The following PALLD variants were observed in gnomAD, a reference collection of about 807,000 sequenced individuals.
PALLD encodes palladin.
A neutral mutation model predicts 123.5 loss-of-function variants in PALLD; 61 were observed. The ratio of observed to expected loss-of-function variants is 0.49; its 90% CI spans 0.40 to 0.61. PALLD has a LOEUF of 0.61. Ranked by LOEUF, PALLD falls within the 20% of genes least tolerant of loss-of-function variation. The probability of loss-of-function intolerance (pLI) is 0.00; values close to 1 mark genes in which losing one functional copy is unlikely to be tolerated. For missense variants in PALLD, 1,273 were observed against 1,377.0 expected (o/e 0.92, Z 1.20); for synonymous variants, 465 against 496.4 (o/e 0.94, Z 0.84).
chr4:168,734,149 A>G (rs920476452), intron 10 of PALLD, among the ~76,000 whole-genome samples: 50 of 152,222 alleles, frequency 3.3e-4, no homozygotes, highest in Non-Finnish European at 5.9e-4. Context: ...TCAAATGCCT[A>G]TCTAGGATTT....
chr4:168,697,749 C>G (rs993123522), intron 8 of PALLD, among the ~76,000 whole-genome samples: 2 of 152,150 alleles, frequency 1.3e-5, no homozygotes, highest in African/African-American at 4.8e-5. Context: ...GCAATCAGAC[C>G]TTGACGATGA....
rs550793210 is a variant in PALLD at position 168,709,266 on chromosome 4, T to G, written c.1621+119T>G. 5.8e-5 allele frequency: 60 copies of G among 1,037,822 alleles called. No individual in the cohort carries two copies. In the South Asian group the frequency reaches 6.8e-4, roughly 12 times the overall value. The allele number at this position is 1,037,822 out of a possible 1,614,324, so 64.3% of individuals were successfully genotyped here. A position where few individuals can be genotyped will look rare whatever the true frequency, so the allele number is the denominator to read the frequency against. On this transcript the variant is annotated intron_variant, in intron 9 of 21. Coordinates refer to ENST00000505667, the MANE Select transcript of PALLD (RefSeq NM_001166108.2). ...GGCTCACACCTGTAATCCCAGCACT[T>G]TGGGAGGCCGAGGCAGGCAGATCAC...
intron 2 of PALLD, among the ~76,000 whole-genome samples, chr4:168,638,183 CA>C (rs1466110050): frequency 6.6e-6 from 1 of 152,124 alleles, no homozygotes; most frequent in Non-Finnish European, 1.5e-5. Flanking sequence ...TTAATCCTCA[CA>C]AAAATATTAT....
intron 8 of PALLD, among the ~76,000 whole-genome samples, chr4:168,693,863 A>C (rs1782883451): frequency 2.0e-5 from 3 of 151,130 alleles, no homozygotes; most frequent in African/African-American, 7.3e-5. Flanking sequence ...AATAAAATCC[A>C]TGATCATGTT....
At chr4:168,599,048 A>G (rs1427293686) in intron 2 of PALLD, among the ~76,000 whole-genome samples, 1 of 152,184 alleles carries the variant, frequency 6.6e-6, no homozygotes, top group Non-Finnish European at 1.5e-5. Context: ...AAATTCTGTT[A>G]AAATAACATA....
At chr4:168,701,774 A>G (rs57368940) in intron 8 of PALLD, among the ~76,000 whole-genome samples, 24,029 of 152,114 alleles carry the variant, frequency 0.16, 2,588 homozygotes, top group East Asian at 0.33. Flanking sequence ...CCCAGAGAGC[A>G]CTAAGCCCTG....
intron 10 of PALLD, among the ~76,000 whole-genome samples, chr4:168,714,925 A>G (rs1581116538): frequency 6.6e-6 from 1 of 152,126 alleles, no homozygotes; most frequent in East Asian, 1.9e-4. Flanking sequence ...GAAAAGAAAA[A>G]AAAAATTCAA....
At chr4:168,761,641 G>GTTTGTTTT (rs1732860397) in intron 10 of PALLD, among the ~76,000 whole-genome samples, 7 of 11,642 alleles carry the variant, frequency 6.0e-4, no homozygotes, top group African/African-American at 1.5e-3. Context: ...TGTTGTTGTT[G>GTTTGTTTT]TTTGTTTTTT....
At chr4:168,838,510 C>T (rs1745519676) in intron 10 of PALLD, among the ~76,000 whole-genome samples, 1 of 151,948 alleles carries the variant, frequency 6.6e-6, no homozygotes, top group African/African-American at 2.4e-5. Context: ...AGATGTGAAA[C>T]AGTCACCTGG....
At position 168,770,313 on chromosome 4, in the gene PALLD, G is replaced by C. The variant is rs146556134; in HGVS notation, c.1964+58390G>C. Among the ~76,000 whole-genome samples, 1,173 of 152,312 alleles carry C rather than the reference G, an allele frequency of 7.7e-3. 5 individuals are homozygous for C. Among genetic ancestry groups the C allele is most frequent in the Middle Eastern group, 0.027 (8 of 294 alleles). On this transcript the variant is annotated intron_variant, in intron 10 of 21. Transcript: ENST00000505667. ...GAAAAGCCTGTCTCCCTTCAGGCAAGGTCCTGCCCTGTGCTTTTGTGTGTA... is the reference window on the plus strand; with the variant it reads ...GAAAAGCCTGTCTCCCTTCAGGCAACGTCCTGCCCTGTGCTTTTGTGTGTA...
intron 12 of PALLD, 65 bp downstream of exon 12, chr4:168,894,742 T>C (rs760950843): frequency 1.4e-4 from 223 of 1,571,972 alleles, no homozygotes; most frequent in Non-Finnish European, 1.9e-4. Flanking sequence ...ATCTTCCTTA[T>C]GGATACTGTT....
At chr4:168,836,317 G>T (rs1239347601) in intron 10 of PALLD, among the ~76,000 whole-genome samples, 1 of 152,216 alleles carries the variant, frequency 6.6e-6, no homozygotes, top group Non-Finnish European at 1.5e-5. Context: ...TGGCTTATTT[G>T]ATGGAAAAGA....
chr4:168,813,924 G>A (rs1174556767), intron 10 of PALLD, among the ~76,000 whole-genome samples: 2 of 152,134 alleles, frequency 1.3e-5, no homozygotes, highest in Non-Finnish European at 2.9e-5. Flanking sequence ...TTTTCATTAT[G>A]GAACCTCACA....
chr4:168,723,652 G>A (rs1463773188), intron 10 of PALLD, among the ~76,000 whole-genome samples: 1 of 152,204 alleles, frequency 6.6e-6, no homozygotes, highest in Non-Finnish European at 1.5e-5. Flanking sequence ...CATTCCTACT[G>A]TGTTGTGCTA....
intron 2 of PALLD, among the ~76,000 whole-genome samples, chr4:168,602,816 A>G (rs1390265326): frequency 6.6e-6 from 1 of 152,118 alleles, no homozygotes; most frequent in Non-Finnish European, 1.5e-5. Context: ...CTCAGGCTGG[A>G]GTGCAGTGGC....
intron 6 of PALLD, among the ~76,000 whole-genome samples, chr4:168,688,447 A>G (rs113835954): frequency 0.013 from 1,958 of 152,296 alleles, 35 homozygotes; most frequent in African/African-American, 0.038. Context: ...ACCCCTCCAA[A>G]GAATCACAAT....
intron 2 of PALLD, among the ~76,000 whole-genome samples, chr4:168,596,702 T>C (rs1772012386): frequency 7.1e-6 from 1 of 141,036 alleles, no homozygotes; most frequent in Admixed American, 7.3e-5. Context: ...ATTCCAAGTA[T>C]AGACTAACTT....
intron 10 of PALLD, among the ~76,000 whole-genome samples, chr4:168,713,957 T>G (rs1369451097): frequency 6.8e-6 from 1 of 147,118 alleles, no homozygotes; most frequent in South Asian, 2.1e-4. Context: ...TTTTTTTTTT[T>G]TTTTTTTTTT....
chr4:168,641,633 C>G (rs910664758), intron 2 of PALLD, among the ~76,000 whole-genome samples: 1 of 152,206 alleles, frequency 6.6e-6, no homozygotes, highest in African/African-American at 2.4e-5. Context: ...CTTAGATATG[C>G]TCTCACCCCT....
Sources: allele counts gnomAD v4.1 joint callset (sites outside exome capture counted in the v4.1 genomes callset), GRCh38; gene constraint gnomAD v4.1.1; transcripts MANE v1.5; gene names NCBI Gene and HGNC (gene_info 2026-07-23, HGNC 2026-07-21).